TMEM132C: variants seen among roughly 807,000 people sequenced by gnomAD.
The protein encoded by TMEM132C is transmembrane protein 132C.
TMEM132C carries 29 observed loss-of-function variants against 61.4 expected under a neutral mutation model. The ratio of observed to expected loss-of-function variants is 0.47; its 90% CI spans 0.35 to 0.64. The LOEUF is 0.64. Ranked by LOEUF, TMEM132C falls within the 30% of genes least tolerant of loss-of-function variation. The pLI is 0.00. For synonymous variants in TMEM132C, 656 were observed against 633.1 expected, an observed-to-expected ratio of 1.04 and a Z score of -0.54; for missense variants, 1,408 against 1,476.9, an observed-to-expected ratio of 0.95 and a Z score of 0.76.
At chr12:128,323,490 G>T (rs1182978549) in intron 1 of TMEM132C, among the ~76,000 whole-genome samples, 1 of 152,336 alleles carries the variant, frequency 6.6e-6, no homozygotes, top group South Asian at 2.1e-4. Flanking sequence ...CTCGTTGGGG[G>T]ACCAGCTGTC....
chr12:128,511,972 A>C (rs1169431868), intron 2 of TMEM132C, among the ~76,000 whole-genome samples: 3 of 152,164 alleles, frequency 2.0e-5, no homozygotes, highest in Non-Finnish European at 4.4e-5. Flanking sequence ...CCTCAGGCCC[A>C]GTCCCTCTCT....
rs182774108 is a variant in TMEM132C, at chr12:128,594,564, A to C, written c.1122-21588A>C. 4.3e-3 allele frequency among the ~76,000 whole-genome samples: 659 copies of C among 152,150 alleles called. 1 individual carries two copies. Among genetic ancestry groups the C allele is most frequent in the Non-Finnish European group, 6.9e-3 (471 of 68,000 alleles). Reference sequence around the variant, plus strand: ...CCCTGCACCTGGTGAACCCGGAGCCACCCTCCCTCCCAAGCAAGGCTCGGA... The same window carrying C: ...CCCTGCACCTGGTGAACCCGGAGCCCCCCTCCCTCCCAAGCAAGGCTCGGA... On this transcript the variant is annotated intron_variant, in intron 3 of 8. Coordinates refer to ENST00000435159, the MANE Select transcript of TMEM132C (RefSeq NM_001136103.3).
At chr12:128,290,413 C>T (rs529757388) in intron 1 of TMEM132C, among the ~76,000 whole-genome samples, 1 of 151,794 alleles carries the variant, frequency 6.6e-6, no homozygotes, top group South Asian at 2.1e-4. Flanking sequence ...ATCATGAGAA[C>T]AGCATGGGGA....
intron 1 of TMEM132C, among the ~76,000 whole-genome samples, chr12:128,400,712 G>T (rs983308687): frequency 3.3e-5 from 5 of 151,456 alleles, no homozygotes; most frequent in Non-Finnish European, 7.4e-5. Context: ...GGGTTCAAGC[G>T]ATTCTCTTTA....
chr12:128,651,698 A>G (rs530125619), intron 4 of TMEM132C, among the ~76,000 whole-genome samples: 1 of 152,318 alleles, frequency 6.6e-6, no homozygotes, highest in African/African-American at 2.4e-5. Flanking sequence ...TAGGGAGACC[A>G]TAGCAGGGAA....
At chr12:128,337,217 T>C (rs1452454598) in intron 1 of TMEM132C, among the ~76,000 whole-genome samples, 1 of 152,202 alleles carries the variant, frequency 6.6e-6, no homozygotes, top group Non-Finnish European at 1.5e-5. Flanking sequence ...CAGCTGTTTC[T>C]GCAACATTTT....
intron 2 of TMEM132C, among the ~76,000 whole-genome samples, chr12:128,504,675 C>G (rs1326585297): frequency 2.6e-5 from 4 of 152,006 alleles, no homozygotes; most frequent in African/African-American, 7.2e-5. Flanking sequence ...GCATCTCTCC[C>G]TCTTCTAATA....
chr12:128,694,697 C>A (rs1350992748), intron 6 of TMEM132C, among the ~76,000 whole-genome samples: 1 of 152,140 alleles, frequency 6.6e-6, no homozygotes, highest in Non-Finnish European at 1.5e-5. Context: ...TAAGAGAGAG[C>A]ATTTCAAGAA....
chr12:128,618,459 A>G (rs1405978368), intron 4 of TMEM132C, among the ~76,000 whole-genome samples: 1 of 152,196 alleles, frequency 6.6e-6, no homozygotes, highest in Non-Finnish European at 1.5e-5. Context: ...GCACCAGCAC[A>G]GAGCTCTGGG....
intron 2 of TMEM132C, among the ~76,000 whole-genome samples, chr12:128,452,144 A>C (rs1870194532): frequency 6.6e-6 from 1 of 152,044 alleles, no homozygotes; most frequent in African/African-American, 2.4e-5. Flanking sequence ...CCCAGGCTGG[A>C]GTACAGTGGT....
In TMEM132C at chr12:128,487,450, CT is replaced by C. The variant is rs1371386138; in HGVS notation, c.975-56503del. On this transcript the variant is annotated intron_variant, in intron 2 of 8. Coordinates refer to ENST00000435159, the MANE Select transcript of TMEM132C (RefSeq NM_001136103.3). ...GTCTCTCTCTGGCCTTCAGTATAGTCTTTTATACATATAAATTGTGTGCGTG... is the reference window on the plus strand; with the variant it reads ...GTCTCTCTCTGGCCTTCAGTATAGTCTTTATACATATAAATTGTGTGCGTG... 7.8e-5 allele frequency among the ~76,000 whole-genome samples: 10 copies of C among 128,536 alleles called. No homozygotes were observed. In the Admixed American group the frequency reaches 8.9e-4, roughly 11 times the overall value. The allele number at this position is 128,536 out of a possible 152,430, so 84.3% of individuals were successfully genotyped here.
intron 1 of TMEM132C, among the ~76,000 whole-genome samples, chr12:128,403,583 C>G (rs531754707): frequency 6.6e-6 from 1 of 152,268 alleles, no homozygotes; most frequent in Non-Finnish European, 1.5e-5. Flanking sequence ...ATAGCAACAA[C>G]AATTCCCAAT....
chr12:128,463,776 C>T (rs576319538), intron 2 of TMEM132C, among the ~76,000 whole-genome samples: 57 of 152,232 alleles, frequency 3.7e-4, no homozygotes, highest in Admixed American at 7.8e-4. Flanking sequence ...TTCTGTGCCC[C>T]ATTTGTGTGC....
chr12:128,306,531 TG>T (rs1193076525), intron 1 of TMEM132C, among the ~76,000 whole-genome samples: 1 of 152,200 alleles, frequency 6.6e-6, no homozygotes, highest in Non-Finnish European at 1.5e-5. Context: ...ACTTGTAATT[TG>T]GGGGTTTCTG....
At chr12:128,303,580 G>A (rs530593970) in intron 1 of TMEM132C, among the ~76,000 whole-genome samples, 8 of 152,200 alleles carry the variant, frequency 5.3e-5, no homozygotes, top group Non-Finnish European at 1.0e-4. Context: ...GCAAAAAGGG[G>A]TGGTAAAATA....
intron 3 of TMEM132C, among the ~76,000 whole-genome samples, chr12:128,556,959 C>G (rs1874352741): frequency 6.6e-6 from 1 of 152,168 alleles, no homozygotes. Flanking sequence ...TTTTATACCA[C>G]TACGTTTTGG....
At chr12:128,511,723 CT>C (rs1301625546) in intron 2 of TMEM132C, among the ~76,000 whole-genome samples, 2 of 152,238 alleles carry the variant, frequency 1.3e-5, no homozygotes, top group African/African-American at 4.8e-5. Context: ...CAGCTGACCT[CT>C]GTCCCCAGCC....
At chr12:128,481,284 C>T (rs1475283248) in intron 2 of TMEM132C, among the ~76,000 whole-genome samples, 1 of 152,200 alleles carries the variant, frequency 6.6e-6, no homozygotes, top group African/African-American at 2.4e-5. Context: ...TTTCAACAAC[C>T]TTAACGATTT....
At chr12:128,615,113 C>G (rs947653434) in intron 3 of TMEM132C, among the ~76,000 whole-genome samples, 2 of 152,176 alleles carry the variant, frequency 1.3e-5, no homozygotes, top group African/African-American at 4.8e-5. Context: ...TGCTTCAATC[C>G]TGCATCTAGC....
Sources: gnomAD v4.1 joint callset for allele counts (sites outside exome capture counted in the v4.1 genomes callset) on GRCh38, gnomAD v4.1.1 for gene constraint, MANE v1.5 for transcripts, NCBI Gene and HGNC (gene_info 2026-07-23, HGNC 2026-07-21) for gene names.